The following POLR3B variants were observed in gnomAD, a reference collection of about 807,000 sequenced individuals.
The protein encoded by POLR3B is RNA polymerase III subunit B, also known as DNA-directed RNA polymerase III subunit RPC2.
Under a neutral mutation model 147.4 loss-of-function variants are expected in POLR3B, and 96 were observed. The ratio of observed to expected loss-of-function variants is 0.65; its 90% CI spans 0.55 to 0.77. POLR3B has a LOEUF of 0.77. POLR3B is among the 30% of genes least tolerant of loss of function. POLR3B has a pLI of 0.00. For missense variants in POLR3B, 1,036 were observed against 1,413.5 expected (o/e 0.73, Z 4.28); for synonymous variants, 461 against 485.9 (o/e 0.95, Z 0.67).
intron 23 of POLR3B, among the ~76,000 whole-genome samples, chr12:106,479,409 C>G (rs1158023561): frequency 6.8e-6 from 1 of 147,084 alleles, no homozygotes; most frequent in Non-Finnish European, 1.5e-5. Flanking sequence ...GAGACAGAGT[C>G]TTGCTGTGTC....
intron 19 of POLR3B, among the ~76,000 whole-genome samples, chr12:106,449,043 T>C (rs935341877): frequency 6.6e-5 from 10 of 152,214 alleles, no homozygotes; most frequent in African/African-American, 2.4e-4. Context: ...TTATCTGAAA[T>C]GCTTAGGACC....
intron 12 of POLR3B, among the ~76,000 whole-genome samples, chr12:106,413,633 G>A (rs2037260370): frequency 1.3e-5 from 2 of 151,870 alleles, no homozygotes; most frequent in South Asian, 4.2e-4. Flanking sequence ...TTTATGATAT[G>A]CCTTGGTGTG....
intron 2 of POLR3B, among the ~76,000 whole-genome samples, chr12:106,364,650 C>G (rs1272402654): frequency 1.3e-5 from 2 of 152,176 alleles, no homozygotes; most frequent in African/African-American, 4.8e-5. Flanking sequence ...AACCTGTACA[C>G]AAATGCTCAT....
chr12:106,387,261 A>G (rs971478962), intron 9 of POLR3B, among the ~76,000 whole-genome samples: 1 of 152,268 alleles, frequency 6.6e-6, no homozygotes, highest in East Asian at 1.9e-4. Context: ...ATGAATCTGC[A>G]TCATTATTTT....
At chr12:106,420,926 G>A (rs1289141282) in intron 12 of POLR3B, among the ~76,000 whole-genome samples, 1 of 151,722 alleles carries the variant, frequency 6.6e-6, no homozygotes, top group African/African-American at 2.4e-5. Flanking sequence ...CTGAACTTTT[G>A]CATTTTTTAA....
chr12:106,391,115 G>A (rs536209346), intron 9 of POLR3B, among the ~76,000 whole-genome samples: 5 of 152,344 alleles, frequency 3.3e-5, no homozygotes, highest in East Asian at 3.9e-4. Context: ...AACTGAAGCA[G>A]CCTGGAGAAT....
At chr12:106,384,660 C>T (rs759935642) in intron 9 of POLR3B, among the ~76,000 whole-genome samples, 2 of 151,952 alleles carry the variant, frequency 1.3e-5, no homozygotes, top group Non-Finnish European at 2.9e-5. Flanking sequence ...TATAAGATGG[C>T]CCCCTAGTAT....
chr12:106,413,985 G>T (rs1277431371), intron 12 of POLR3B, among the ~76,000 whole-genome samples: 1 of 151,712 alleles, frequency 6.6e-6, no homozygotes, highest in Non-Finnish European at 1.5e-5. Context: ...TTAGAAGAAT[G>T]ATTTTGTGGT....
rs946942243 is a variant in POLR3B at position 106,415,709 on chromosome 12, T to C, written c.1101+4749T>C. Among the ~76,000 whole-genome samples the C allele has an allele frequency of 2.0e-5, 3 of 152,170 alleles. No homozygotes were observed. In the South Asian group the frequency reaches 6.2e-4, roughly 32 times the overall value. On this transcript the variant is annotated intron_variant, in intron 12 of 27. Coordinates refer to ENST00000228347, the MANE Select transcript of POLR3B (RefSeq NM_018082.6). ...ATCTTTAATTTTTTTAAAAGTGTTA[T>C]GATTTTTAAAAAGTAATGTTAGCAG...
chr12:106,405,626 C>G (rs1003332236), intron 10 of POLR3B, among the ~76,000 whole-genome samples: 1 of 151,122 alleles, frequency 6.6e-6, no homozygotes, highest in African/African-American at 2.4e-5. Flanking sequence ...CCTACAATGA[C>G]AATGTATCAT....
chr12:106,414,976 T>G (rs2037281404), intron 12 of POLR3B, among the ~76,000 whole-genome samples: 1 of 152,250 alleles, frequency 6.6e-6, no homozygotes, highest in African/African-American at 2.4e-5. Context: ...CTACCCATGC[T>G]GCTGAGCTAC....
At chr12:106,458,940 T>C (rs1431933561) in intron 21 of POLR3B, among the ~76,000 whole-genome samples, 1 of 152,226 alleles carries the variant, frequency 6.6e-6, no homozygotes, top group Non-Finnish European at 1.5e-5. Context: ...CCCTAAGAGA[T>C]ATATAAAATT....
chr12:106,459,102 C>T, intron 21 of POLR3B, 149 bp from the exon 22 acceptor site: 1 of 655,202 alleles, frequency 1.5e-6, no homozygotes, highest in Non-Finnish European at 2.8e-6. Context: ...CCATAGCTCA[C>T]TGCAGCCTCA....
chr12:106,380,211 T>C, intron 9 of POLR3B, 72 bp downstream of exon 9: 1 of 855,452 alleles, frequency 1.2e-6, no homozygotes, highest in South Asian at 1.4e-5. Flanking sequence ...TAATTAGAGA[T>C]TTGGAGGGTA....
rs764300320 is a variant in POLR3B, at chr12:106,366,540, A to G, written c.130A>G (p.Ile44Val). 7.5e-6 allele frequency: 12 copies of G among 1,610,448 alleles called. No homozygotes were observed. The highest frequency in any genetic ancestry group is 8.5e-6 in the Non-Finnish European group (10 of 1,177,150). The stretch of plus-strand genomic sequence containing the variant: ...GGTGAAAGGCCTTGTGAAACAGCAT[A>G]TAGATTCATTTAACTATTTCATTAA... Reference protein sequence around the residue: ...LKVKGLVKQHIDSFNYFINVE... With the variant: ...LKVKGLVKQHVDSFNYFINVE... The change falls in exon 3 of 28, where the codon ATA becomes GTA. Residue 44 changes from isoleucine (I) to valine (V), a missense_variant. Physicochemically the swap from Ile to Val is conservative, Grantham distance 29 (BLOSUM62 3). Transcript: ENST00000228347.
Position 106,406,866 on chromosome 12 carries a change from T to G in POLR3B, c.966+890T>G, listed in dbSNP as rs80348868. The stretch of plus-strand genomic sequence containing the variant: ...TTAGACTATCTTGTTAACTAAATAG[T>G]CTGGTTTGTAGTGAGTTATCATGTG... On this transcript the variant is annotated intron_variant, in intron 11 of 27. Transcript: ENST00000228347. Among the ~76,000 whole-genome samples, 1,039 of 152,310 alleles carry G rather than the reference T, an allele frequency of 6.8e-3. 18 individuals are homozygous for G. Among genetic ancestry groups the G allele is most frequent in the African/African-American group, 0.024 (998 of 41,552 alleles).
chr12:106,392,959 A>C lies in POLR3B; in HGVS notation c.724-72A>C. The C allele has an allele frequency of 2.5e-6, 4 of 1,595,696 alleles. No individual in the cohort carries two copies. In the South Asian group the frequency reaches 4.5e-5, roughly 18 times the overall value. On this transcript the variant is annotated intron_variant, in intron 9 of 27. Coordinates refer to ENST00000228347, the MANE Select transcript of POLR3B (RefSeq NM_018082.6). ...AGAAGTAATACCCACAAACAATGCC[A>C]AATTAGCATAAGCAAATGTCAGTGA...
At chr12:106,378,467 C>G (rs1487226055) in intron 8 of POLR3B, 83 bp downstream of exon 8, 27 of 761,614 alleles carry the variant, frequency 3.5e-5, no homozygotes, top group Non-Finnish European at 5.3e-5. Flanking sequence ...ACAGAGGGAG[C>G]CAGTTATTAC....
At chr12:106,454,955 G>A (rs192172754) in intron 20 of POLR3B, among the ~76,000 whole-genome samples, 5 of 151,764 alleles carry the variant, frequency 3.3e-5, no homozygotes, top group South Asian at 2.1e-4. Flanking sequence ...TATTGGTTAC[G>A]TGAGACAATC....
Sources: gnomAD v4.1 joint callset for allele counts (sites outside exome capture counted in the v4.1 genomes callset) on GRCh38, gnomAD v4.1.1 for gene constraint, MANE v1.5 for transcripts, NCBI Gene and HGNC (gene_info 2026-07-23, HGNC 2026-07-21) for gene names.